Variants in FSHB observed in about 807,000 individuals in gnomAD.
FSHB encodes follicle stimulating hormone subunit beta.
A neutral mutation model predicts 12.1 loss-of-function variants in FSHB; 8 were observed. That is an observed-to-expected ratio of 0.66 (90% CI 0.39 to 1.19). The LOEUF (loss-of-function observed/expected upper bound fraction) is 1.19. FSHB is among the 50% of genes most tolerant of loss of function. FSHB has a pLI of 0.01. For synonymous variants in FSHB, 55 were observed against 54.6 expected, an observed-to-expected ratio of 1.01 and a Z score of -0.04; for missense variants, 153 against 157.2, an observed-to-expected ratio of 0.97 and a Z score of 0.14.
At chr11:30,232,530 T>C (rs934513242) in intron 2 of FSHB, among the ~76,000 whole-genome samples, 5 of 152,178 alleles carry the variant, frequency 3.3e-5, no homozygotes, top group Admixed American at 1.3e-4. Context: ...CTGGCCCTAC[T>C]AAATACAAAT....
chr11:30,234,116 A>G lies in FSHB; in HGVS notation c.*316A>G. ...GGCAATGCCTCTCTCTTAGGGGGAA[A>G]CATAAGCCTAGAAGGAGGAAGCAGT... On this transcript the variant is annotated 3_prime_UTR_variant, in exon 3 of 3. Transcript: ENST00000533718. 2 of 362,328 alleles carry G rather than the reference A, an allele frequency of 5.5e-6. No individual in the cohort carries two copies. The highest frequency in any genetic ancestry group is 1.1e-5 in the Non-Finnish European group (2 of 187,386). 22.4% of individuals were successfully genotyped at this position (362,328 alleles called of 1,614,324 possible). A position where few individuals can be genotyped will look rare whatever the true frequency, so the allele number is the denominator to read the frequency against.
intron 2 of FSHB, 26 bp from the exon 3 acceptor site, chr11:30,233,544 C>A (rs1299151367): frequency 1.9e-6 from 3 of 1,568,412 alleles, no homozygotes; most frequent in Non-Finnish European, 2.6e-6. Context: ...AATACCATAA[C>A]CTAACTCTCT....
At chr11:30,231,573 C>T (rs1287653923) in intron 1 of FSHB, among the ~76,000 whole-genome samples, 1 of 152,136 alleles carries the variant, frequency 6.6e-6, no homozygotes, top group East Asian at 1.9e-4. Context: ...ATATGATGAT[C>T]ACAATTATCA....
rs770418547 is a variant in FSHB, at chr11:30,232,015, G to A, written c.113G>A (p.Cys38Tyr). 1 of 1,613,946 alleles carries A rather than the reference G, an allele frequency of 6.2e-7. No individual in the cohort carries two copies. The highest frequency in any genetic ancestry group is 8.5e-7 in the Non-Finnish European group (1 of 1,179,882). The change falls in exon 2 of 3, where the codon TGC becomes TAC. Residue 38 changes from cysteine (C) to tyrosine (Y), a missense_variant. Physicochemically the swap from Cys to Tyr is radical, Grantham distance 194. Coordinates refer to ENST00000533718, the MANE Select transcript of FSHB (RefSeq NM_001382289.1). The stretch of plus-strand genomic sequence containing the variant: ...ATAGAGAAAGAAGAATGTCGTTTCT[G>A]CATAAGCATCAACACCACTTGGTGT... The part of the protein sequence containing the change: ...IAIEKEECRF[C>Y]ISINTTWCAG...
In FSHB at chr11:30,231,991, T is replaced by C. The variant is rs1564984556; in HGVS notation, c.89T>C (p.Ile30Thr). 6.2e-7 allele frequency: 1 copy of C among 1,613,938 alleles called. No individual in the cohort carries two copies. The highest frequency in any genetic ancestry group is 1.7e-5 in the Admixed American group (1 of 60,014). ...GAGCTGACCAACATCACCATTGCAA[T>C]AGAGAAAGAAGAATGTCGTTTCTGC... ...SCELTNITIA[I>T]EKEECRFCIS... The change falls in exon 2 of 3, where the codon ATA becomes ACA. Residue 30 changes from isoleucine to threonine, a missense_variant. Physicochemically the swap from Ile to Thr is moderately conservative, Grantham distance 89. Transcript: ENST00000533718.
In FSHB at chr11:30,232,060, G is replaced by C; in HGVS notation, c.158G>C (p.Arg53Thr). ...TTWCAGYCYT[R>T]DLVYKDPARP... ...TGGTGTGCTGGCTACTGCTACACCA[G>C]GGTAGGTACCATGTTTTGCTGGAAG... is the stretch of plus-strand genomic sequence containing the variant. Residue 53 changes from arginine (R) to threonine (T), a missense_variant and splice_region_variant, in exon 2 of 3, where the codon AGG (arginine) becomes ACG (threonine). Coordinates refer to ENST00000533718, the MANE Select transcript of FSHB (RefSeq NM_001382289.1). The C allele has an allele frequency of 6.2e-7, 1 of 1,613,752 alleles. No homozygotes were observed.
intron 1 of FSHB, 106 bp from the exon 2 acceptor site, chr11:30,231,760 A>G: frequency 1.2e-6 from 1 of 831,208 alleles, no homozygotes; most frequent in Non-Finnish European, 2.0e-6. Flanking sequence ...AGGCATAAGG[A>G]AGGAAAAAAA....
Position 30,234,683 on chromosome 11 carries a change from GAATGACAAAGGATTTGA to G in FSHB, c.*886_*902del, listed in dbSNP as rs1437522230. Reference sequence around the variant, plus strand: ...ACCCTCCCTAGGATCCACTTCTTTGGAATGACAAAGGATTTGAAAGTAGGTTTGAAAGCAGTTTCAGC... The same window carrying G: ...ACCCTCCCTAGGATCCACTTCTTTGGAAGTAGGTTTGAAAGCAGTTTCAGC... On this transcript the variant is annotated 3_prime_UTR_variant, in exon 3 of 3. Coordinates refer to ENST00000533718, the MANE Select transcript of FSHB (RefSeq NM_001382289.1). 2.0e-5 allele frequency: 3 copies of G among 152,200 alleles called. No homozygotes were observed. In the East Asian group the frequency reaches 5.8e-4, roughly 29 times the overall value. The allele number at this position is 152,200 out of a possible 1,614,324, so 9.4% of individuals were successfully genotyped here.
rs1852040285 is a variant in FSHB at position 30,233,706 on chromosome 11, A to C, written c.296A>C (p.Gln99Pro). The C allele has an allele frequency of 6.2e-7, 1 of 1,614,026 alleles. No individual in the cohort carries two copies. Among genetic ancestry groups the C allele is most frequent in the Non-Finnish European group, 8.5e-7 (1 of 1,179,926 alleles). Residue 99 changes from glutamine (Q) to proline (P), a missense_variant, in exon 3 of 3, where the codon CAG (glutamine) becomes CCG (proline). Physicochemically the swap from Gln to Pro is moderately conservative, Grantham distance 76. Transcript: ENST00000533718. Reference sequence around the variant, plus strand: ...TTGTATACATACCCAGTGGCCACCCAGTGTCACTGTGGCAAGTGTGACAGC... The same window carrying C: ...TTGTATACATACCCAGTGGCCACCCCGTGTCACTGTGGCAAGTGTGACAGC... Reference protein sequence around the residue: ...DSLYTYPVATQCHCGKCDSDS... With the variant: ...DSLYTYPVATPCHCGKCDSDS...
intron 2 of FSHB, among the ~76,000 whole-genome samples, chr11:30,232,630 G>A (rs1476900251): frequency 6.6e-6 from 1 of 152,148 alleles, no homozygotes; most frequent in African/African-American, 2.4e-5. Context: ...TTATAGCATT[G>A]AGAAAACCAA....
At chr11:30,233,455 A>T in intron 2 of FSHB, 115 bp from the exon 3 acceptor site, 1 of 793,478 alleles carries the variant, frequency 1.3e-6, no homozygotes. Flanking sequence ...TTATGAGGTC[A>T]TGTTTTAATG....
rs1024010291 is a variant in FSHB at position 30,231,922 on chromosome 11, T to C, written c.20T>C (p.Phe7Ser). The change falls in exon 2 of 3, where the codon TTC becomes TCC. Residue 7 changes from phenylalanine to serine, a missense_variant. Transcript: ENST00000533718. MKTLQFFFLFCCWKAIC... is the reference protein window; with the variant it reads MKTLQFSFLFCCWKAIC... ...ACCAGGATGAAGACACTCCAGTTTTTCTTCCTTTTCTGTTGCTGGAAAGCA... is the reference window on the plus strand; with the variant it reads ...ACCAGGATGAAGACACTCCAGTTTTCCTTCCTTTTCTGTTGCTGGAAAGCA... 1 of 1,613,966 alleles carries C rather than the reference T, an allele frequency of 6.2e-7. No homozygotes were observed. The highest frequency in any genetic ancestry group is 8.5e-7 in the Non-Finnish European group (1 of 1,179,868).
At chr11:30,232,142 T>C in intron 2 of FSHB, 81 bp downstream of exon 2, 5 of 1,427,994 alleles carry the variant, frequency 3.5e-6, no homozygotes, top group Non-Finnish European at 3.9e-6. Context: ...TTTATCAATA[T>C]TTTATGTATT....
Position 30,234,142 on chromosome 11 carries a change from A to G in FSHB, c.*342A>G. 1 of 336,512 alleles carries G rather than the reference A, an allele frequency of 3.0e-6. No individual in the cohort carries two copies. The highest frequency in any genetic ancestry group is 2.6e-5 in the South Asian group (1 of 38,916). 20.8% of individuals were successfully genotyped at this position (336,512 alleles called of 1,614,324 possible). A position where few individuals can be genotyped will look rare whatever the true frequency, so the allele number is the denominator to read the frequency against. ...CATAAGCCTAGAAGGAGGAAGCAGT[A>G]ATGGGAGTGAGTGAAAGAACTAACT... On this transcript the variant is annotated 3_prime_UTR_variant, in exon 3 of 3. Coordinates refer to ENST00000533718, the MANE Select transcript of FSHB (RefSeq NM_001382289.1).
At chr11:30,232,242 G>T (rs1323960802) in intron 2 of FSHB, among the ~76,000 whole-genome samples, 181 bp downstream of exon 2, 2 of 152,160 alleles carry the variant, frequency 1.3e-5, no homozygotes, top group East Asian at 3.9e-4. Flanking sequence ...TTTGGGCTTG[G>T]ATTTGATTTG....
In FSHB at chr11:30,233,726, G is replaced by C. The variant is rs1852040968; in HGVS notation, c.316G>C (p.Asp106His). The change falls in exon 3 of 3, where the codon GAC (aspartate) becomes CAC (histidine). Residue 106 changes from aspartate (D) to histidine (H), a missense_variant. Asp to His is a moderately conservative substitution (Grantham distance 81). Coordinates refer to ENST00000533718, the MANE Select transcript of FSHB (RefSeq NM_001382289.1). The stretch of plus-strand genomic sequence containing the variant: ...CACCCAGTGTCACTGTGGCAAGTGT[G>C]ACAGCGACAGCACTGATTGTACTGT... ...VATQCHCGKC[D>H]SDSTDCTVRG... 2 of 1,613,948 alleles carry C rather than the reference G, an allele frequency of 1.2e-6. No individual in the cohort carries two copies. The highest frequency in any genetic ancestry group is 1.3e-5 in the African/African-American group (1 of 74,926).
At chr11:30,231,763 GA>G (rs1018321592) in intron 1 of FSHB, 102 bp from the exon 2 acceptor site, 12 of 876,842 alleles carry the variant, frequency 1.4e-5, no homozygotes, top group Non-Finnish European at 2.0e-5. Flanking sequence ...CATAAGGAAG[GA>G]AAAAAAACTT....
intron 1 of FSHB, among the ~76,000 whole-genome samples, 156 bp from the exon 2 acceptor site, chr11:30,231,710 A>G (rs1852008710): frequency 6.6e-6 from 1 of 152,184 alleles, no homozygotes; most frequent in Non-Finnish European, 1.5e-5. Context: ...AAGAAGGACA[A>G]GGAAAAATGT....
chr11:30,233,669 C>A lies in FSHB; in HGVS notation c.259C>A (p.His87Asn). The change falls in exon 3 of 3, where the codon CAT becomes AAT. Residue 87 changes from histidine to asparagine, a missense_variant. His to Asn is a moderately conservative substitution (Grantham distance 68). Transcript: ENST00000533718. ...AGTGAGAGTGCCCGGCTGTGCTCAC[C>A]ATGCAGATTCCTTGTATACATACCC... ...ETVRVPGCAH[H>N]ADSLYTYPVA... 4 of 1,614,042 alleles carry A rather than the reference C, an allele frequency of 2.5e-6. No individual in the cohort carries two copies. Among genetic ancestry groups the A allele is most frequent in the Non-Finnish European group, 3.4e-6 (4 of 1,179,956 alleles).
Sources: allele counts gnomAD v4.1 joint callset (sites outside exome capture counted in the v4.1 genomes callset), GRCh38; gene constraint gnomAD v4.1.1; transcripts MANE v1.5; gene names NCBI Gene and HGNC (gene_info 2026-07-23, HGNC 2026-07-21).